The following FRMD6 variants were observed in gnomAD, a reference collection of about 807,000 sequenced individuals.
The protein encoded by FRMD6 is FERM domain containing 6.
In FRMD6, 37 loss-of-function variants were observed where a neutral mutation model predicts 73.2. The ratio of observed to expected loss-of-function variants is 0.51; its 90% CI spans 0.39 to 0.66. The LOEUF (loss-of-function observed/expected upper bound fraction) is 0.66, where lower values mean the gene tolerates loss of function less well. FRMD6 is among the 30% of genes least tolerant of loss of function. FRMD6 has a pLI of 0.00. For missense variants in FRMD6, 714 were observed against 780.5 expected, an observed-to-expected ratio of 0.91 and a Z score of 1.02; for synonymous variants, 273 against 282.2, an observed-to-expected ratio of 0.97 and a Z score of 0.33.
At chr14:51,599,609 T>A (rs1023153726) in intron 2 of FRMD6, among the ~76,000 whole-genome samples, 1 of 152,132 alleles carries the variant, frequency 6.6e-6, no homozygotes, top group Non-Finnish European at 1.5e-5. Context: ...AAAGGTCTAA[T>A]ATCTAGAATT....
chr14:51,644,467 T>G (rs922706278), intron 2 of FRMD6, among the ~76,000 whole-genome samples: 1 of 152,132 alleles, frequency 6.6e-6, no homozygotes, highest in Non-Finnish European at 1.5e-5. Context: ...AACAAATATG[T>G]GTCAGATACT....
the FRMD6 span, among the ~76,000 whole-genome samples, chr14:51,433,234 T>A: frequency 5.3e-5 from 8 of 152,194 alleles, no homozygotes; most frequent in African/African-American, 1.9e-4. Flanking sequence ...AGTACATATA[T>A]ACAAGATTGT....
chr14:51,609,214 C>T (rs1890389298), intron 2 of FRMD6, among the ~76,000 whole-genome samples: 1 of 152,082 alleles, frequency 6.6e-6, no homozygotes, highest in African/African-American at 2.4e-5. Flanking sequence ...GGGTCAGGTT[C>T]TCTGTAAGAT....
intron 2 of FRMD6, among the ~76,000 whole-genome samples, chr14:51,608,272 T>G (rs753314437): frequency 2.0e-4 from 30 of 152,254 alleles, no homozygotes; most frequent in African/African-American, 6.3e-4. Flanking sequence ...GCCTGGTGAT[T>G]AAAACAACAC....
upstream of FRMD6, among the ~76,000 whole-genome samples, chr14:51,647,094 A>G (rs1178956163): frequency 1.3e-5 from 2 of 152,192 alleles, no homozygotes; most frequent in Non-Finnish European, 2.9e-5. Flanking sequence ...CTTTAAATAC[A>G]TCCCCTGTAA....
At chr14:51,491,943 C>T (rs896024977) in intron 1 of FRMD6, among the ~76,000 whole-genome samples, 7 of 152,342 alleles carry the variant, frequency 4.6e-5, no homozygotes, top group African/African-American at 1.7e-4. Flanking sequence ...TGAGTTGTCT[C>T]TCCAAGTGTC....
chr14:51,462,784 A>AAGAGAGAG, the FRMD6 span, among the ~76,000 whole-genome samples: 11 of 149,564 alleles, frequency 7.4e-5, no homozygotes, highest in South Asian at 1.5e-3. Flanking sequence ...ATAAGGGAGG[A>AAGAGAGAG]AGAGAGAGAG....
the FRMD6 span, among the ~76,000 whole-genome samples, chr14:51,419,321 T>C: frequency 1.3e-5 from 2 of 152,202 alleles, no homozygotes; most frequent in African/African-American, 4.8e-5. Flanking sequence ...GACTAATTTT[T>C]GTATTTTTAA....
At chr14:51,686,071 C>G (rs1895129229) in intron 1 of FRMD6, among the ~76,000 whole-genome samples, 1 of 152,050 alleles carries the variant, frequency 6.6e-6, no homozygotes, top group Admixed American at 6.6e-5. Flanking sequence ...AAGAGACAGT[C>G]CTAGAATTGA....
upstream of FRMD6, among the ~76,000 whole-genome samples, chr14:51,486,565 T>A (rs1436620054): frequency 7.2e-5 from 11 of 152,154 alleles, no homozygotes; most frequent in Admixed American, 7.2e-4. Flanking sequence ...ATAGAAAAAA[T>A]AAAAGACCAG....
At chr14:51,468,256 G>A in the FRMD6 span, among the ~76,000 whole-genome samples, 2 of 149,616 alleles carry the variant, frequency 1.3e-5, no homozygotes, top group Admixed American at 6.7e-5. Flanking sequence ...GTCCAGCCTC[G>A]GCTCGGCATC....
At chr14:51,600,728 C>A (rs1889989147) in intron 2 of FRMD6, among the ~76,000 whole-genome samples, 1 of 152,216 alleles carries the variant, frequency 6.6e-6, no homozygotes, top group Non-Finnish European at 1.5e-5. Flanking sequence ...TTTAACTTCG[C>A]CTGGCAATAT....
intron 2 of FRMD6, among the ~76,000 whole-genome samples, chr14:51,625,175 T>C (rs1016142214): frequency 1.3e-5 from 2 of 152,186 alleles, no homozygotes; most frequent in African/African-American, 4.8e-5. Flanking sequence ...GGCACCTTCA[T>C]GACCTAAATC....
chr14:51,602,575 A>G (rs886570403), intron 2 of FRMD6, among the ~76,000 whole-genome samples: 1 of 152,192 alleles, frequency 6.6e-6, no homozygotes, highest in Non-Finnish European at 1.5e-5. Context: ...ATGCTGATTC[A>G]TTTATGGATT....
intron 2 of FRMD6, among the ~76,000 whole-genome samples, chr14:51,623,465 T>C (rs1891005898): frequency 1.3e-5 from 2 of 152,188 alleles, no homozygotes; most frequent in African/African-American, 4.8e-5. Flanking sequence ...ATTCTGCAAA[T>C]TACTCAGCTG....
chr14:51,591,123 G>C (rs563088804), intron 2 of FRMD6, among the ~76,000 whole-genome samples: 1 of 152,006 alleles, frequency 6.6e-6, no homozygotes, highest in Non-Finnish European at 1.5e-5. Flanking sequence ...GAACTTCTCT[G>C]TCACCTCTGA....
At chr14:51,439,182 A>G in the FRMD6 span, among the ~76,000 whole-genome samples, 1 of 152,246 alleles carries the variant, frequency 6.6e-6, no homozygotes, top group African/African-American at 2.4e-5. Context: ...GAACTATCCC[A>G]CCAACAGGCA....
rs183907560 is a variant in FRMD6 at position 51,631,552 on chromosome 14, G to C, written c.-146-58139G>C. Among the ~76,000 whole-genome samples the C allele has an allele frequency of 6.2e-3, 940 of 152,338 alleles. 38 individuals are homozygous for C. Among genetic ancestry groups the C allele is most frequent in the Admixed American group, 0.054 (821 of 15,306 alleles). Reference sequence around the variant, plus strand: ...TGCTTAGGTAGAGAAGGTGGTAAAAGGGACAGAGAATGGGAGGTGCAAATA... The same window carrying C: ...TGCTTAGGTAGAGAAGGTGGTAAAACGGACAGAGAATGGGAGGTGCAAATA... On this transcript the variant is annotated intron_variant, in intron 2 of 14. Coordinates refer to the FRMD6 transcript ENST00000356218.
At chr14:51,438,195 C>CTTACAGTTT in the FRMD6 span, among the ~76,000 whole-genome samples, 447 of 152,328 alleles carry the variant, frequency 2.9e-3, 4 homozygotes, top group African/African-American at 0.01. Flanking sequence ...GACAGACATC[C>CTTACAGTTT]TTACAGTTTA....
Sources: allele counts gnomAD v4.1 joint callset (sites outside exome capture counted in the v4.1 genomes callset), GRCh38; gene constraint gnomAD v4.1.1; transcripts MANE v1.5; gene names NCBI Gene and HGNC (gene_info 2026-07-23, HGNC 2026-07-21).